PTPRD: variants seen among roughly 807,000 people sequenced by gnomAD.
PTPRD encodes protein tyrosine phosphatase receptor type D, also known as receptor-type tyrosine-protein phosphatase delta.
Under a neutral mutation model 214.5 loss-of-function variants are expected in PTPRD, and 34 were observed. That is an observed-to-expected ratio of 0.16 (90% CI 0.12 to 0.21). The LOEUF (loss-of-function observed/expected upper bound fraction) is 0.21, where lower values mean the gene tolerates loss of function less well. Among genes scored for constraint, PTPRD ranks in the 10% least tolerant of loss-of-function variants. The probability of loss-of-function intolerance (pLI) is 1.00; values close to 1 mark genes in which losing one functional copy is unlikely to be tolerated. For synonymous variants in PTPRD, 1,128 were observed against 845.7 expected, an observed-to-expected ratio of 1.33 and a Z score of -5.79; for missense variants, 2,545 against 2,398.7, an observed-to-expected ratio of 1.06 and a Z score of -1.27.
At chr9:9,709,056 A>G (rs2097678492) in intron 7 of PTPRD, among the ~76,000 whole-genome samples, 1 of 151,982 alleles carries the variant, frequency 6.6e-6, no homozygotes, top group Admixed American at 6.6e-5. Context: ...ATGAATGTCA[A>G]TAGTTTAAGA....
At chr9:8,356,902 A>G (rs920290537) in intron 39 of PTPRD, among the ~76,000 whole-genome samples, 5 of 152,232 alleles carry the variant, frequency 3.3e-5, no homozygotes, top group African/African-American at 9.6e-5. Flanking sequence ...TATAGTTTAC[A>G]GTATTAAATA....
At chr9:10,372,855 A>ATTATTATTAATT (rs33976967) in intron 2 of PTPRD, among the ~76,000 whole-genome samples, 2 of 31,528 alleles carry the variant, frequency 6.3e-5, no homozygotes, top group East Asian at 1.5e-3. Flanking sequence ...TATTATTATT[A>ATTATTATTAATT]ATTATTATTA....
chr9:8,514,196 T>G (rs1354261421), intron 21 of PTPRD, among the ~76,000 whole-genome samples: 2 of 152,146 alleles, frequency 1.3e-5, no homozygotes, highest in African/African-American at 2.4e-5. Context: ...GTCTGTCTAC[T>G]TCAACATTAC....
chr9:10,265,464 A>C (rs1564881883), intron 3 of PTPRD, among the ~76,000 whole-genome samples: 1 of 152,220 alleles, frequency 6.6e-6, no homozygotes, highest in African/African-American at 2.4e-5. Flanking sequence ...GCTGAGTTGA[A>C]TCCTAACTGC....
chr9:9,109,101 G>A (rs1392889101), intron 10 of PTPRD, among the ~76,000 whole-genome samples: 1 of 152,048 alleles, frequency 6.6e-6, no homozygotes, highest in Non-Finnish European at 1.5e-5. Context: ...TCCTTCCTTA[G>A]CAATAAACCA....
chr9:10,340,781 A>C (rs2154443745), intron 3 of PTPRD, among the ~76,000 whole-genome samples, 182 bp downstream of exon 3: 1 of 152,062 alleles, frequency 6.6e-6, no homozygotes, highest in East Asian at 1.9e-4. Context: ...ATTTCTCCAA[A>C]GTGTATAGCA....
At chr9:9,745,322 C>T (rs1001830844) in intron 6 of PTPRD, among the ~76,000 whole-genome samples, 1 of 152,000 alleles carries the variant, frequency 6.6e-6, no homozygotes, top group Non-Finnish European at 1.5e-5. Context: ...AGGAAAAATT[C>T]AGTAATTCTG....
intron 10 of PTPRD, among the ~76,000 whole-genome samples, chr9:9,076,050 C>G (rs1479962093): frequency 6.6e-6 from 1 of 152,174 alleles, no homozygotes; most frequent in Non-Finnish European, 1.5e-5. Context: ...GTTCCTATTT[C>G]TCTACATCCT....
chr9:9,470,446 T>G (rs78362989), intron 8 of PTPRD, among the ~76,000 whole-genome samples: 1 of 152,216 alleles, frequency 6.6e-6, no homozygotes, highest in Non-Finnish European at 1.5e-5. Flanking sequence ...AGCAGAAACT[T>G]TGAATTCTTT....
chr9:10,027,045 T>G (rs2096936690), intron 4 of PTPRD, among the ~76,000 whole-genome samples: 2 of 152,118 alleles, frequency 1.3e-5, no homozygotes, highest in Admixed American at 6.5e-5. Context: ...GACTTGGCCT[T>G]GGTAAAATAA....
chr9:9,235,452 C>T (rs144017364), intron 9 of PTPRD, among the ~76,000 whole-genome samples: 43 of 152,272 alleles, frequency 2.8e-4, no homozygotes, highest in Non-Finnish European at 2.6e-4. Flanking sequence ...GGAATGTAAG[C>T]ATAAAGTGGA....
intron 9 of PTPRD, among the ~76,000 whole-genome samples, chr9:9,296,779 C>A (rs530746351): frequency 1.3e-5 from 2 of 151,642 alleles, no homozygotes; most frequent in Non-Finnish European, 2.9e-5. Context: ...AAGGGACTTA[C>A]GTAGATGAAT....
At chr9:9,225,525 T>G (rs963043386) in intron 9 of PTPRD, among the ~76,000 whole-genome samples, 2 of 152,070 alleles carry the variant, frequency 1.3e-5, no homozygotes, top group African/African-American at 2.4e-5. Flanking sequence ...AATCTATCTA[T>G]GCAGAACCCA....
intron 3 of PTPRD, among the ~76,000 whole-genome samples, chr9:10,180,586 C>A (rs1390916347): frequency 7.3e-6 from 1 of 136,906 alleles, no homozygotes; most frequent in African/African-American, 2.8e-5. Context: ...AACTTTGATA[C>A]CAAAACCAGA....
At chr9:8,997,508 TTAAC>T (rs1375056680) in intron 11 of PTPRD, among the ~76,000 whole-genome samples, 1 of 152,094 alleles carries the variant, frequency 6.6e-6, no homozygotes, top group Non-Finnish European at 1.5e-5. Context: ...GACAGTGAGT[TTAAC>T]TGACAAATGT....
intron 4 of PTPRD, among the ~76,000 whole-genome samples, chr9:9,998,129 A>AAATATATATATATATATATATATATAT (rs57991748): frequency 1.2e-4 from 11 of 91,448 alleles, no homozygotes; most frequent in African/African-American, 6.5e-4. Context: ...AAAAAAAAAA[A>AAATATATATATATATATATATATATAT]ATATATATAT....
intron 11 of PTPRD, among the ~76,000 whole-genome samples, chr9:8,819,736 G>A (rs2097006577): frequency 6.6e-6 from 1 of 152,148 alleles, no homozygotes; most frequent in East Asian, 1.9e-4. Flanking sequence ...TCAATAAAAT[G>A]TGGGAGATTG....
intron 5 of PTPRD, among the ~76,000 whole-genome samples, chr9:9,901,947 GTCGTTAGGATTGTATGATCTGT>G (rs2076501679): frequency 6.6e-6 from 1 of 152,160 alleles, no homozygotes; most frequent in African/African-American, 2.4e-5. Flanking sequence ...TATTTAGATA[GTCGTTAGGATTGTATGATCTGT>G]AATTTTCATA....
intron 9 of PTPRD, among the ~76,000 whole-genome samples, chr9:9,209,200 T>C (rs1302259860): frequency 2.6e-5 from 4 of 152,180 alleles, no homozygotes; most frequent in Non-Finnish European, 5.9e-5. Flanking sequence ...CTATTCCTAA[T>C]TAGCAATTTG....
Sources: gnomAD v4.1 joint callset for allele counts (sites outside exome capture counted in the v4.1 genomes callset) on GRCh38, gnomAD v4.1.1 for gene constraint, MANE v1.5 for transcripts, NCBI Gene and HGNC (gene_info 2026-07-23, HGNC 2026-07-21) for gene names.